The following PAQR3 variants were observed in gnomAD, a reference collection of about 807,000 sequenced individuals.
PAQR3 encodes the protein progestin and adipoQ receptor family member 3.
In PAQR3, 39 loss-of-function variants were observed where a neutral mutation model predicts 41.7. The ratio of observed to expected loss-of-function variants is 0.93; its 90% CI spans 0.72 to 1.22. The LOEUF is 1.22. Ranked by LOEUF, PAQR3 falls within the 50% of genes most tolerant of loss-of-function variation. PAQR3 has a pLI of 0.00. For synonymous variants in PAQR3, 140 were observed against 140.6 expected, an observed-to-expected ratio of 1.00 and a Z score of 0.03; for missense variants, 366 against 385.6, an observed-to-expected ratio of 0.95 and a Z score of 0.42.
At chr4:78,890,173 G>GAA in intron 11 of PAQR3, among the ~76,000 whole-genome samples, 1 of 146,102 alleles carries the variant, frequency 6.8e-6, no homozygotes, top group Non-Finnish European at 1.5e-5. Context: ...ATTTGAAATG[G>GAA]AAAAAAAAAA....
chr4:78,919,585 T>C lies in PAQR3; in HGVS notation c.*954A>G, dbSNP rs1401652455. 3 of 984,962 alleles carry C rather than the reference T, an allele frequency of 3.0e-6. No individual in the cohort carries two copies. The highest frequency in any genetic ancestry group is 3.6e-6 in the Non-Finnish European group (3 of 829,788). 61.0% of individuals were successfully genotyped at this position (984,962 alleles called of 1,614,324 possible). A position where few individuals can be genotyped will look rare whatever the true frequency, so the allele number is the denominator to read the frequency against. ...CATCTGCATGACTTTGTTCTAAGGCTTAAGGTTCATTTCAGGGTCAAGACA... is the reference window on the plus strand; with the variant it reads ...CATCTGCATGACTTTGTTCTAAGGCCTAAGGTTCATTTCAGGGTCAAGACA... On this transcript the variant is annotated 3_prime_UTR_variant, in exon 6 of 6. Coordinates refer to ENST00000512733, the MANE Select transcript of PAQR3 (RefSeq NM_001040202.2).
chr4:78,913,508 G>T lies in PAQR3; in HGVS notation c.*7031C>A, dbSNP rs1285981336. ...TCAGATTAACATTTGGAAGTTTCTAGAACAGTTAATGCTATTTACAGAAAG... is the reference window on the plus strand; with the variant it reads ...TCAGATTAACATTTGGAAGTTTCTATAACAGTTAATGCTATTTACAGAAAG... On this transcript the variant is annotated 3_prime_UTR_variant, in exon 6 of 6. Transcript: ENST00000512733. The T allele has an allele frequency of 1.3e-5, 2 of 152,100 alleles. No homozygotes were observed. The highest frequency in any genetic ancestry group is 2.1e-4 in the South Asian group (1 of 4,836). The allele number at this position is 152,100 out of a possible 1,614,324, so 9.4% of individuals were successfully genotyped here. A position where few individuals can be genotyped will look rare whatever the true frequency, so the allele number is the denominator to read the frequency against.
downstream of PAQR3, among the ~76,000 whole-genome samples, chr4:78,907,337 T>TA (rs1660461671): frequency 6.6e-6 from 1 of 152,164 alleles, no homozygotes; most frequent in Non-Finnish European, 1.5e-5. Flanking sequence ...AAAGTAATGG[T>TA]AGCCAGTTGA....
chr4:78,914,029 CATAGT>C lies in PAQR3; in HGVS notation c.*6505_*6509del, dbSNP rs1180332260. 6.6e-6 allele frequency: 1 copy of C among 151,678 alleles called. No individual in the cohort carries two copies. The highest frequency in any genetic ancestry group is 1.5e-5 in the Non-Finnish European group (1 of 67,932). The allele number at this position is 151,678 out of a possible 1,614,324, so 9.4% of individuals were successfully genotyped here. A position where few individuals can be genotyped will look rare whatever the true frequency, so the allele number is the denominator to read the frequency against. Reference sequence around the variant, plus strand: ...TAAAAGTGAAGAGTTGATGATTACACATAGTAAATTCATGAACTACAGTAGGTTTG... The same window carrying C: ...TAAAAGTGAAGAGTTGATGATTACACAAATTCATGAACTACAGTAGGTTTG... On this transcript the variant is annotated 3_prime_UTR_variant, in exon 6 of 6. Coordinates refer to ENST00000512733, the MANE Select transcript of PAQR3 (RefSeq NM_001040202.2).
intron 11 of PAQR3, among the ~76,000 whole-genome samples, chr4:78,889,774 C>T (rs957302736): frequency 2.0e-5 from 3 of 152,054 alleles, no homozygotes; most frequent in Admixed American, 6.5e-5. Flanking sequence ...TAAGTATATG[C>T]GATAAGCCAT....
chr4:78,920,975 C>A (rs1735606679), intron 5 of PAQR3, among the ~76,000 whole-genome samples: 1 of 151,830 alleles, frequency 6.6e-6, no homozygotes, highest in Non-Finnish European at 1.5e-5. Context: ...TCTCAACTCA[C>A]ATTTGATGGA....
At chr4:78,930,124 A>G in intron 3 of PAQR3, 46 bp downstream of exon 3, 3 of 1,549,552 alleles carry the variant, frequency 1.9e-6, no homozygotes, top group Non-Finnish European at 1.7e-6. Flanking sequence ...AAGAAAACCC[A>G]AGACCAATAT....
At chr4:78,908,713 A>T (rs1734410274), downstream of PAQR3, among the ~76,000 whole-genome samples, 1 of 152,046 alleles carries the variant, frequency 6.6e-6, no homozygotes, top group Non-Finnish European at 1.5e-5. Context: ...AATTTTTAGT[A>T]CTCCTCTTCA....
rs1315985863 is a variant in PAQR3 at position 78,926,506 on chromosome 4, C to G, written c.702+15G>C. On this transcript the variant is annotated intron_variant, in intron 4 of 5. Transcript: ENST00000512733. ...AAAAAAAAAAAGAGAAAAATATTAA[C>G]TACACTCAACCTACCTGTACAATAG... 6.3e-7 allele frequency: 1 copy of G among 1,577,434 alleles called. No homozygotes were observed. The highest frequency in any genetic ancestry group is 1.4e-5 in the African/African-American group (1 of 73,210).
chr4:78,930,309 G>C lies in PAQR3; in HGVS notation c.365C>G (p.Ser122Cys), dbSNP rs769947806. The C allele has an allele frequency of 4.8e-5, 77 of 1,612,652 alleles. No individual in the cohort carries two copies. Among genetic ancestry groups the C allele is most frequent in the Non-Finnish European group, 6.4e-5 (76 of 1,179,634 alleles). The stretch of plus-strand genomic sequence containing the variant: ...GCAGGAAAAAAGATGATAGCCCACA[G>C]AGCAAAGCATACAGACCTGTGAAAA... ...LFCFQVCMLCSVGYHLFSCHR... is the reference protein window; with the variant it reads ...LFCFQVCMLCCVGYHLFSCHR... Residue 122 changes from serine to cysteine, a missense_variant, in exon 3 of 6, where the codon TCT (serine) becomes TGT (cysteine). By Grantham distance (112) the Ser-to-Cys change is moderately radical. Transcript: ENST00000512733.
Position 78,912,779 on chromosome 4 carries a change from G to T in PAQR3, c.*7760C>A, listed in dbSNP as rs1210838026. On this transcript the variant is annotated 3_prime_UTR_variant, in exon 6 of 6. Coordinates refer to ENST00000512733, the MANE Select transcript of PAQR3 (RefSeq NM_001040202.2). ...TCAGTTAAAACAAATTAAAAAAATG[G>T]ACTATCGTCGCACAGAAGCCTAGAA... 1 of 150,358 alleles carries T rather than the reference G, an allele frequency of 6.7e-6. No homozygotes were observed. The highest frequency in any genetic ancestry group is 1.5e-5 in the Non-Finnish European group (1 of 67,756). 9.3% of individuals were successfully genotyped at this position (150,358 alleles called of 1,614,324 possible).
rs1735987445 is a variant in PAQR3, at chr4:78,924,449, C to T, written c.703-502G>A. Among the ~76,000 whole-genome samples the T allele has an allele frequency of 2.6e-5, 4 of 152,218 alleles. 1 individual carries two copies. In the South Asian group the frequency reaches 8.3e-4, roughly 32 times the overall value. ...GAAAATCCAGCAAGCTATCCTTATACATATTGTTCCTAATACTGGTTATAA... is the reference window on the plus strand; with the variant it reads ...GAAAATCCAGCAAGCTATCCTTATATATATTGTTCCTAATACTGGTTATAA... On this transcript the variant is annotated intron_variant, in intron 4 of 5. Transcript: ENST00000512733.
At chr4:78,934,974 G>T in intron 2 of PAQR3, 147 bp downstream of exon 2, 1 of 656,442 alleles carries the variant, frequency 1.5e-6, no homozygotes, top group Non-Finnish European at 2.6e-6. Context: ...ATCGTTTGGT[G>T]TTTATGTTAT....
At chr4:78,889,138 G>A (rs1200879525) in intron 11 of PAQR3, among the ~76,000 whole-genome samples, 3 of 150,028 alleles carry the variant, frequency 2.0e-5, no homozygotes, top group African/African-American at 4.9e-5. Flanking sequence ...GGAGAATGGC[G>A]TGAACCCGGG....
chr4:78,936,096 C>A (rs1737401746), intron 1 of PAQR3, among the ~76,000 whole-genome samples: 1 of 152,200 alleles, frequency 6.6e-6, no homozygotes, highest in African/African-American at 2.4e-5. Flanking sequence ...CTTAACCTCT[C>A]CCGGCTTCAG....
chr4:78,930,107 C>T (rs1287693707), intron 3 of PAQR3, 63 bp downstream of exon 3: 3 of 1,458,558 alleles, frequency 2.1e-6, no homozygotes, highest in Non-Finnish European at 2.8e-6. Flanking sequence ...TTCAAAAGAA[C>T]CAAGGCAAGA....
chr4:78,909,371 T>TA (rs1337373007), downstream of PAQR3, among the ~76,000 whole-genome samples: 38 of 57,022 alleles, frequency 6.7e-4, no homozygotes, highest in African/African-American at 2.0e-3. Context: ...TCATTTTTTT[T>TA]TATGTAAACC....
At chr4:78,938,853 G>T (rs867537487) in intron 1 of PAQR3, among the ~76,000 whole-genome samples, 187 bp downstream of exon 1, 14 of 151,704 alleles carry the variant, frequency 9.2e-5, no homozygotes, top group African/African-American at 3.4e-4. Context: ...ATTATTCCGT[G>T]GACCAAGTAC....
chr4:78,926,632 C>A lies in PAQR3; in HGVS notation c.591G>T (p.Gln197His). The A allele has an allele frequency of 6.2e-7, 1 of 1,613,920 alleles. No homozygotes were observed. ...TGATAGAACGGAGCCTTTGCCATTG[C>A]TGCGTGAGGTAATTGGGATGAATCT... Reference protein sequence around the residue: ...FAQIHPNYLTQQWQRLRSIIF... With the variant: ...FAQIHPNYLTHQWQRLRSIIF... The change falls in exon 4 of 6, where the codon CAG becomes CAT. Residue 197 changes from glutamine to histidine, a missense_variant. Coordinates refer to ENST00000512733, the MANE Select transcript of PAQR3 (RefSeq NM_001040202.2).
Sources: gnomAD v4.1 joint callset for allele counts (sites outside exome capture counted in the v4.1 genomes callset) on GRCh38, gnomAD v4.1.1 for gene constraint, MANE v1.5 for transcripts, NCBI Gene and HGNC (gene_info 2026-07-23, HGNC 2026-07-21) for gene names.